Variants in SLC44A5 observed in about 807,000 individuals in gnomAD.
The protein encoded by SLC44A5 is choline transporter-like protein 5.
A neutral mutation model predicts 101.8 loss-of-function variants in SLC44A5; 57 were observed. The ratio of observed to expected loss-of-function variants is 0.56; its 90% CI spans 0.45 to 0.70. The LOEUF (loss-of-function observed/expected upper bound fraction) is 0.70, where lower values mean the gene tolerates loss of function less well. Among genes scored for constraint, SLC44A5 ranks in the 30% least tolerant of loss-of-function variants. The pLI, the probability that SLC44A5 is intolerant of heterozygous loss-of-function variation, is 0.00. For synonymous variants in SLC44A5, 281 were observed against 290.9 expected (o/e 0.97, Z 0.35); for missense variants, 737 against 853.1 (o/e 0.86, Z 1.70).
At chr1:75,447,107 CG>C (rs1665627518) in intron 2 of SLC44A5, among the ~76,000 whole-genome samples, 1 of 152,130 alleles carries the variant, frequency 6.6e-6, no homozygotes. Flanking sequence ...TAGAAACCTA[CG>C]AAAGCTTTTG....
chr1:75,534,182 T>A (rs1670874461), intron 2 of SLC44A5, among the ~76,000 whole-genome samples: 2 of 152,106 alleles, frequency 1.3e-5, no homozygotes, highest in African/African-American at 2.4e-5. Context: ...TGCTTTTAAA[T>A]GTAAAGGAAA....
chr1:75,597,349 A>G (rs973719860), intron 1 of SLC44A5, among the ~76,000 whole-genome samples: 2 of 152,200 alleles, frequency 1.3e-5, no homozygotes, highest in African/African-American at 4.8e-5. Context: ...AGAAAGAATC[A>G]ATATTGTTAA....
At chr1:75,541,593 T>C in intron 1 of SLC44A5, 77 bp from the exon 2 acceptor site, 1 of 899,006 alleles carries the variant, frequency 1.1e-6, no homozygotes, top group Non-Finnish European at 1.7e-6. Flanking sequence ...CTTTTGGGAA[T>C]GCTCTCATAA....
At chr1:75,626,862 G>C in the SLC44A5 span, among the ~76,000 whole-genome samples, 1 of 151,940 alleles carries the variant, frequency 6.6e-6, no homozygotes, top group Non-Finnish European at 1.5e-5. Flanking sequence ...AGCTTTTATA[G>C]TACAGCATGA....
the SLC44A5 span, among the ~76,000 whole-genome samples, chr1:75,709,158 A>G: frequency 6.6e-6 from 1 of 152,174 alleles, no homozygotes; most frequent in East Asian, 1.9e-4. Context: ...GTTCCAGTCC[A>G]TGACTCTTTA....
At chr1:75,477,398 G>A (rs1339276237) in intron 2 of SLC44A5, among the ~76,000 whole-genome samples, 1 of 152,240 alleles carries the variant, frequency 6.6e-6, no homozygotes, top group African/African-American at 2.4e-5. Context: ...GAACAAAGCT[G>A]TACGGAGAAT....
chr1:75,250,468 T>C (rs753338571), intron 7 of SLC44A5, among the ~76,000 whole-genome samples: 1 of 152,206 alleles, frequency 6.6e-6, no homozygotes, highest in South Asian at 2.1e-4. Context: ...AACATACATG[T>C]GCATGCATCA....
chr1:75,282,293 C>G (rs965574361), intron 5 of SLC44A5, among the ~76,000 whole-genome samples: 1 of 152,186 alleles, frequency 6.6e-6, no homozygotes, highest in African/African-American at 2.4e-5. Context: ...CCAATTTCTC[C>G]CATTTGGAAT....
At chr1:75,646,851 G>A in the SLC44A5 span, among the ~76,000 whole-genome samples, 1 of 152,160 alleles carries the variant, frequency 6.6e-6, no homozygotes, top group Non-Finnish European at 1.5e-5. Flanking sequence ...GCTGGCAGAA[G>A]AAATTTCTAA....
At chr1:75,626,985 T>C in the SLC44A5 span, among the ~76,000 whole-genome samples, 1,112 of 152,294 alleles carry the variant, frequency 7.3e-3, 17 homozygotes, top group African/African-American at 0.025. Flanking sequence ...CTGGATTCTT[T>C]ATAATTCCTT....
chr1:75,360,834 T>C (rs933586597), intron 3 of SLC44A5, among the ~76,000 whole-genome samples: 3 of 152,226 alleles, frequency 2.0e-5, no homozygotes, highest in African/African-American at 7.2e-5. Context: ...TGTTTATCTC[T>C]ATTTGTGAAA....
chr1:75,470,235 G>T (rs759205433), intron 2 of SLC44A5, among the ~76,000 whole-genome samples: 2 of 152,026 alleles, frequency 1.3e-5, no homozygotes, highest in Non-Finnish European at 2.9e-5. Flanking sequence ...TAAAAGCTTT[G>T]GTTTTCAAGA....
chr1:75,700,926 G>A, the SLC44A5 span, among the ~76,000 whole-genome samples: 2 of 152,086 alleles, frequency 1.3e-5, no homozygotes, highest in African/African-American at 2.4e-5. Flanking sequence ...ATAAATTCCT[G>A]GAGACATACA....
chr1:75,701,488 G>C, the SLC44A5 span, among the ~76,000 whole-genome samples: 2 of 152,004 alleles, frequency 1.3e-5, no homozygotes, highest in African/African-American at 4.8e-5. Flanking sequence ...AATAAATGAG[G>C]TATTGATGGG....
At chr1:75,723,026 C>G in the SLC44A5 span, among the ~76,000 whole-genome samples, 1 of 152,176 alleles carries the variant, frequency 6.6e-6, no homozygotes, top group Admixed American at 6.5e-5. Flanking sequence ...TTACCTTTCT[C>G]AGCATTCCAC....
At chr1:75,334,429 T>C (rs1657288149) in intron 4 of SLC44A5, among the ~76,000 whole-genome samples, 1 of 152,190 alleles carries the variant, frequency 6.6e-6, no homozygotes, top group African/African-American at 2.4e-5. Flanking sequence ...AGCTAAGAGA[T>C]TATTAAAGCC....
chr1:75,447,009 G>A lies in SLC44A5; in HGVS notation c.14-50388C>T, dbSNP rs1451984027. Reference sequence around the variant, plus strand: ...TTAATTTGATCATGAACTTCCATTTGCCATAAGAAAGCACAGGCCTGTGGA... The same window carrying A: ...TTAATTTGATCATGAACTTCCATTTACCATAAGAAAGCACAGGCCTGTGGA... On this transcript the variant is annotated intron_variant, in intron 2 of 23. Transcript: ENST00000370859. Among the ~76,000 whole-genome samples the A allele has an allele frequency of 2.6e-5, 4 of 152,138 alleles. No individual in the cohort carries two copies. In the East Asian group the frequency reaches 5.8e-4, roughly 22 times the overall value.
At chr1:75,554,796 A>G (rs1224328103) in intron 1 of SLC44A5, among the ~76,000 whole-genome samples, 2 of 152,128 alleles carry the variant, frequency 1.3e-5, no homozygotes, top group African/African-American at 4.8e-5. Context: ...ACTAATAAAT[A>G]TTATTATGGA....
At chr1:75,296,029 A>G (rs1570601179) in intron 5 of SLC44A5, among the ~76,000 whole-genome samples, 2 of 152,240 alleles carry the variant, frequency 1.3e-5, no homozygotes, top group South Asian at 4.1e-4. Context: ...TATTCTACGA[A>G]GGATTAAGGC....
Sources: gnomAD v4.1 joint callset for allele counts (sites outside exome capture counted in the v4.1 genomes callset) on GRCh38, gnomAD v4.1.1 for gene constraint, MANE v1.5 for transcripts, NCBI Gene and HGNC (gene_info 2026-07-23, HGNC 2026-07-21) for gene names.